The following IQGAP2 variants were observed in gnomAD, a reference collection of about 807,000 sequenced individuals.
IQGAP2 encodes IQ motif containing GTPase activating protein 2.
A neutral mutation model predicts 201.3 loss-of-function variants in IQGAP2; 173 were observed. That is an observed-to-expected ratio of 0.86 (90% CI 0.76 to 0.98). The LOEUF is 0.98. Among genes scored for constraint, IQGAP2 ranks in the 50% least tolerant of loss-of-function variants. IQGAP2 has a pLI of 0.00. For missense variants in IQGAP2, 1,687 were observed against 1,864.8 expected (o/e 0.90, Z 1.76); for synonymous variants, 675 against 673.9 (o/e 1.00, Z -0.03).
intron 2 of IQGAP2, among the ~76,000 whole-genome samples, chr5:76,508,883 A>G (rs565133074): frequency 2.1e-4 from 32 of 152,238 alleles, no homozygotes; most frequent in African/African-American, 7.7e-4. Context: ...TAGTAAAAGC[A>G]CAAATGCAAG....
At chr5:76,577,483 A>G (rs1433865969) in intron 5 of IQGAP2, among the ~76,000 whole-genome samples, 2 of 152,206 alleles carry the variant, frequency 1.3e-5, no homozygotes, top group Admixed American at 6.5e-5. Context: ...CATGTCATTC[A>G]CCAGATCTGA....
At chr5:76,497,908 C>T (rs898323592) in intron 2 of IQGAP2, among the ~76,000 whole-genome samples, 1 of 152,172 alleles carries the variant, frequency 6.6e-6, no homozygotes, top group African/African-American at 2.4e-5. Flanking sequence ...CTGGCCACCA[C>T]CTATGGCCCT....
At chr5:76,592,768 TCCA>T in intron 8 of IQGAP2, 67 bp from the exon 9 acceptor site, 1 of 1,010,986 alleles carries the variant, frequency 9.9e-7, no homozygotes, top group Admixed American at 1.9e-5. Context: ...TTCACATTTT[TCCA>T]TTTGAATTTC....
At chr5:76,456,265 C>G (rs923473840) in intron 1 of IQGAP2, among the ~76,000 whole-genome samples, 27 of 152,206 alleles carry the variant, frequency 1.8e-4, no homozygotes, top group African/African-American at 6.3e-4. Context: ...CAGTCTCTTT[C>G]ATCGTTTCAG....
intron 1 of IQGAP2, among the ~76,000 whole-genome samples, chr5:76,453,258 A>G (rs190781291): frequency 3.0e-4 from 46 of 152,294 alleles, no homozygotes; most frequent in Admixed American, 2.7e-3. Context: ...AAGAAGTAAT[A>G]TATGCAAAAT....
At chr5:76,454,398 G>A (rs546088273) in intron 1 of IQGAP2, among the ~76,000 whole-genome samples, 4 of 150,788 alleles carry the variant, frequency 2.7e-5, no homozygotes, top group South Asian at 2.1e-4. Context: ...CCATTAACTC[G>A]TCCTTTAGCA....
At chr5:76,668,070 A>G (rs1445687676) in intron 22 of IQGAP2, among the ~76,000 whole-genome samples, 2 of 151,476 alleles carry the variant, frequency 1.3e-5, no homozygotes, top group Admixed American at 1.3e-4. Context: ...TTTTCTAGAG[A>G]CAGGGTCTGT....
chr5:76,524,456 G>A (rs1195770771), intron 2 of IQGAP2, among the ~76,000 whole-genome samples: 1 of 152,116 alleles, frequency 6.6e-6, no homozygotes, highest in Non-Finnish European at 1.5e-5. Flanking sequence ...AGTTAGTACC[G>A]ATCCGATCCA....
At chr5:76,606,119 A>T in intron 11 of IQGAP2, 60 bp from the exon 12 acceptor site, 3 of 1,453,446 alleles carry the variant, frequency 2.1e-6, no homozygotes, top group Non-Finnish European at 2.8e-6. Flanking sequence ...TAGTTGAGAA[A>T]CAACAGGAAC....
At chr5:76,665,608 C>T (rs1179516796) in intron 22 of IQGAP2, among the ~76,000 whole-genome samples, 1 of 152,200 alleles carries the variant, frequency 6.6e-6, no homozygotes, top group African/African-American at 2.4e-5. Flanking sequence ...CAGATATTTA[C>T]CAGAACCAGT....
Position 76,671,689 on chromosome 5 carries a change from GAAAAAAAAA to G in IQGAP2, c.2844-58_2844-50del, listed in dbSNP as rs34357630. Reference sequence around the variant, plus strand: ...GGTGACAGAGCAAGACTGTCTCGGGGAAAAAAAAAAAAAAAAAAAATCTGTATCCATGGA... The same window carrying G: ...GGTGACAGAGCAAGACTGTCTCGGGGAAAAAAAAAAATCTGTATCCATGGA... On this transcript the variant is annotated intron_variant, in intron 23 of 35. Transcript: ENST00000274364. The G allele has an allele frequency of 1.4e-5, 11 of 812,648 alleles. No homozygotes were observed. The Admixed American group carries it at 1.4e-4, about 11-fold the overall frequency. The allele number at this position is 812,648 out of a possible 1,614,324, so 50.3% of individuals were successfully genotyped here.
intron 2 of IQGAP2, among the ~76,000 whole-genome samples, chr5:76,530,232 T>A (rs1041192957): frequency 2.0e-5 from 3 of 152,302 alleles, no homozygotes; most frequent in South Asian, 2.1e-4. Flanking sequence ...TATTCTTTTT[T>A]AAAAACTTTC....
chr5:76,570,570 G>C lies in IQGAP2; in HGVS notation c.304-10G>C. 6.2e-7 allele frequency: 1 copy of C among 1,602,368 alleles called. No homozygotes were observed. The highest frequency in any genetic ancestry group is 8.5e-7 in the Non-Finnish European group (1 of 1,170,432). ...CTTCTCTCCCTTTTTCCCTCCTATC[G>C]TCACTTTAGAAGTCTGGCCTTCATT... is the stretch of plus-strand genomic sequence containing the variant. On this transcript the variant is annotated splice_polypyrimidine_tract_variant and intron_variant, in intron 3 of 35. Transcript: ENST00000274364.
intron 14 of IQGAP2, among the ~76,000 whole-genome samples, chr5:76,630,101 T>TA (rs1750576817): frequency 6.6e-6 from 1 of 152,168 alleles, no homozygotes; most frequent in African/African-American, 2.4e-5. Context: ...GGTTGTGACT[T>TA]AGAGCACATC....
chr5:76,606,956 T>C (rs147370780), intron 12 of IQGAP2: 76 of 152,326 alleles, frequency 5.0e-4, no homozygotes, highest in African/African-American at 1.6e-3. Flanking sequence ...AAATTCAAGC[T>C]TCGAGCTGTG....
intron 21 of IQGAP2, 77 bp downstream of exon 21, chr5:76,658,744 AG>A: frequency 8.7e-7 from 1 of 1,149,752 alleles, no homozygotes; most frequent in Admixed American, 2.1e-5. Context: ...ACTTAATGAC[AG>A]GGATACATTC....
chr5:76,631,592 A>T (rs1249698902), intron 14 of IQGAP2, among the ~76,000 whole-genome samples: 1 of 152,180 alleles, frequency 6.6e-6, no homozygotes, highest in Non-Finnish European at 1.5e-5. Flanking sequence ...TACTACAGCA[A>T]GCAAAACCTA....
At chr5:76,427,370 G>GTCATT (rs1441225648) in intron 1 of IQGAP2, among the ~76,000 whole-genome samples, 1 of 152,096 alleles carries the variant, frequency 6.6e-6, no homozygotes, top group Non-Finnish European at 1.5e-5. Context: ...ACGGTGGGTG[G>GTCATT]TGATTTAAAA....
At chr5:76,426,935 T>TGTGTGTGA (rs894766853) in intron 1 of IQGAP2, among the ~76,000 whole-genome samples, 7 of 151,394 alleles carry the variant, frequency 4.6e-5, no homozygotes, top group Admixed American at 3.3e-4. Context: ...TGTGTGTGTG[T>TGTGTGTGA]GAGTGTGTGC....
Sources: allele counts gnomAD v4.1 joint callset (sites outside exome capture counted in the v4.1 genomes callset), GRCh38; gene constraint gnomAD v4.1.1; transcripts MANE v1.5; gene names NCBI Gene and HGNC (gene_info 2026-07-23, HGNC 2026-07-21).